The following CDYL2 variants were observed in gnomAD, a reference collection of about 807,000 sequenced individuals.
CDYL2 encodes chromodomain Y-like protein 2.
CDYL2 carries 23 observed loss-of-function variants against 49.4 expected under a neutral mutation model. The observed-to-expected ratio is 0.47, with a 90% CI of 0.34 to 0.66. CDYL2 has a LOEUF of 0.66. Among genes scored for constraint, CDYL2 ranks in the 30% least tolerant of loss-of-function variants. CDYL2 has a pLI of 0.01. For synonymous variants in CDYL2, 360 were observed against 268.8 expected (o/e 1.34, Z -3.32); for missense variants, 678 against 656.4 (o/e 1.03, Z -0.36).
chr16:80,718,031 T>C (rs1240599441), intron 1 of CDYL2, among the ~76,000 whole-genome samples: 1 of 152,118 alleles, frequency 6.6e-6, no homozygotes, highest in East Asian at 1.9e-4. Context: ...TTACCAATCA[T>C]CCTGACAAAC....
At chr16:80,674,556 A>C (rs1373284522) in intron 2 of CDYL2, among the ~76,000 whole-genome samples, 1 of 152,126 alleles carries the variant, frequency 6.6e-6, no homozygotes, top group Non-Finnish European at 1.5e-5. Context: ...CCATAATCTA[A>C]TTCCAGAACA....
At chr16:80,653,313 A>G (rs953649918) in intron 2 of CDYL2, among the ~76,000 whole-genome samples, 4 of 152,134 alleles carry the variant, frequency 2.6e-5, no homozygotes, top group Non-Finnish European at 5.9e-5. Context: ...TAAAAACACA[A>G]AATTAGCCGG....
intron 2 of CDYL2, among the ~76,000 whole-genome samples, chr16:80,647,461 G>C (rs1908401051): frequency 6.6e-6 from 1 of 152,020 alleles, no homozygotes; most frequent in Admixed American, 6.6e-5. Context: ...TTACATTACA[G>C]AGCTATCTTT....
At chr16:80,642,729 C>T (rs570161403) in intron 2 of CDYL2, among the ~76,000 whole-genome samples, 193 of 152,178 alleles carry the variant, frequency 1.3e-3, no homozygotes, top group African/African-American at 4.3e-3. Flanking sequence ...AGTGGAAACC[C>T]TTGATAAAAC....
chr16:80,710,295 G>C (rs1328238760), intron 1 of CDYL2, among the ~76,000 whole-genome samples: 1 of 152,128 alleles, frequency 6.6e-6, no homozygotes, highest in Non-Finnish European at 1.5e-5. Flanking sequence ...GTTCTTCCAT[G>C]GCTTATTTAA....
intron 1 of CDYL2, among the ~76,000 whole-genome samples, chr16:80,781,908 C>A (rs1907281193): frequency 6.6e-6 from 1 of 151,332 alleles, no homozygotes; most frequent in African/African-American, 2.4e-5. Context: ...AAGCAGTGCT[C>A]AGGGGACATT....
At position 80,603,727 on chromosome 16, in the gene CDYL2, C is replaced by T. The variant is rs891169838; in HGVS notation, c.*661G>A. ...TCCCTAGTAGTTTGTTTTTGCAAAA[C>T]TAGCTTTACATATAATACACATAAA... On this transcript the variant is annotated 3_prime_UTR_variant, in exon 7 of 7. Transcript: ENST00000570137. The T allele has an allele frequency of 2.6e-5, 4 of 152,642 alleles. No individual in the cohort carries two copies. The highest frequency in any genetic ancestry group is 4.8e-5 in the African/African-American group (2 of 41,460). The allele number at this position is 152,642 out of a possible 1,614,324, so 9.5% of individuals were successfully genotyped here.
chr16:80,646,602 A>G (rs1261192394), intron 2 of CDYL2, among the ~76,000 whole-genome samples: 2 of 152,300 alleles, frequency 1.3e-5, no homozygotes, highest in South Asian at 2.1e-4. Context: ...CATCTTGGCT[A>G]ACATGGTGAA....
At chr16:80,736,980 T>C (rs976784809) in intron 1 of CDYL2, among the ~76,000 whole-genome samples, 1 of 152,192 alleles carries the variant, frequency 6.6e-6, no homozygotes, top group Admixed American at 6.5e-5. Flanking sequence ...CGTATTCAGA[T>C]TTGGGATGGC....
At chr16:80,643,372 A>C (rs1053751949) in intron 2 of CDYL2, among the ~76,000 whole-genome samples, 6 of 152,168 alleles carry the variant, frequency 3.9e-5, no homozygotes, top group African/African-American at 1.2e-4. Context: ...GAGTGTCTGC[A>C]ACTTTTCCAG....
At chr16:80,705,558 T>C (rs1904377909) in intron 1 of CDYL2, among the ~76,000 whole-genome samples, 1 of 152,254 alleles carries the variant, frequency 6.6e-6, no homozygotes, top group African/African-American at 2.4e-5. Context: ...TTCTTCCTAT[T>C]CCAACAAAGA....
chr16:80,619,651 G>A lies in CDYL2; in HGVS notation c.1007+1112C>T, dbSNP rs573441405. On this transcript the variant is annotated intron_variant, in intron 4 of 6. Transcript: ENST00000570137. ...GGACCACGCAAAGCGCAAACTGTGT[G>A]GGCACAGCCAGGAAGCCTGTGCCTC... 2.6e-5 allele frequency among the ~76,000 whole-genome samples: 4 copies of A among 152,296 alleles called. No homozygotes were observed. The South Asian group carries it at 6.2e-4, about 24-fold the overall frequency.
chr16:80,605,566 A>C (rs1906295022), intron 6 of CDYL2, among the ~76,000 whole-genome samples: 1 of 150,594 alleles, frequency 6.6e-6, no homozygotes, highest in South Asian at 2.1e-4. Context: ...AGCAATAATC[A>C]TAGTAACAAT....
At chr16:80,752,234 C>G (rs111424787) in intron 1 of CDYL2, among the ~76,000 whole-genome samples, 21 of 152,098 alleles carry the variant, frequency 1.4e-4, no homozygotes, top group African/African-American at 4.8e-4. Flanking sequence ...AACATCCAGA[C>G]AGCAACAAGG....
chr16:80,774,009 G>A (rs940142588), intron 1 of CDYL2, among the ~76,000 whole-genome samples: 4 of 152,232 alleles, frequency 2.6e-5, no homozygotes, highest in African/African-American at 9.6e-5. Flanking sequence ...GAGCTCTGGG[G>A]TGCTGGCAGC....
At chr16:80,733,913 T>G (rs896523023) in intron 1 of CDYL2, among the ~76,000 whole-genome samples, 18 of 152,174 alleles carry the variant, frequency 1.2e-4, no homozygotes, top group Admixed American at 3.3e-4. Flanking sequence ...CTCTTAAAAC[T>G]CTGCAATGAC....
At chr16:80,629,723 T>C (rs186782915) in intron 3 of CDYL2, among the ~76,000 whole-genome samples, 3 of 152,236 alleles carry the variant, frequency 2.0e-5, no homozygotes, top group African/African-American at 4.8e-5. Flanking sequence ...TTTCTGCCCA[T>C]GAGGCCAATC....
chr16:80,668,604 G>T (rs951895092), intron 2 of CDYL2, among the ~76,000 whole-genome samples: 2 of 152,024 alleles, frequency 1.3e-5, no homozygotes, highest in Non-Finnish European at 2.9e-5. Context: ...ATTTGGGAAG[G>T]GAGAATATGG....
intron 2 of CDYL2, among the ~76,000 whole-genome samples, chr16:80,650,041 C>T (rs1270556596): frequency 6.6e-6 from 1 of 152,114 alleles, no homozygotes; most frequent in Non-Finnish European, 1.5e-5. Context: ...GGGAAAATCT[C>T]CAGGACATTG....
Sources: allele counts gnomAD v4.1 joint callset (sites outside exome capture counted in the v4.1 genomes callset), GRCh38; gene constraint gnomAD v4.1.1; transcripts MANE v1.5; gene names NCBI Gene and HGNC (gene_info 2026-07-23, HGNC 2026-07-21).